ERC1: variants seen among roughly 807,000 people sequenced by gnomAD.
ERC1 encodes RAB6 interacting protein 2.
In ERC1, 56 loss-of-function variants were observed where a neutral mutation model predicts 132.0. That is an observed-to-expected ratio of 0.42 (90% CI 0.34 to 0.53). The LOEUF (loss-of-function observed/expected upper bound fraction) is 0.53, where lower values mean the gene tolerates loss of function less well. ERC1 is among the 20% of genes least tolerant of loss of function. ERC1 has a pLI of 0.03. For synonymous variants in ERC1, 478 were observed against 476.1 expected, an observed-to-expected ratio of 1.00 and a Z score of -0.05; for missense variants, 1,202 against 1,349.9, an observed-to-expected ratio of 0.89 and a Z score of 1.72.
At chr12:1,093,947 ATATATTTTTCTATATATATATAT>A (rs1943601864) in intron 3 of ERC1, among the ~76,000 whole-genome samples, 1 of 103,248 alleles carries the variant, frequency 9.7e-6, no homozygotes, top group Non-Finnish European at 1.9e-5. Context: ...ATATAAATAT[ATATATTTTTCTATATATATATAT>A]ATATATATAT....
At chr12:1,272,263 T>G (rs1372438177) in intron 14 of ERC1, among the ~76,000 whole-genome samples, 1 of 152,224 alleles carries the variant, frequency 6.6e-6, no homozygotes, top group East Asian at 1.9e-4. Flanking sequence ...CTATTGGTAC[T>G]TCTGTTGTCA....
intron 15 of ERC1, among the ~76,000 whole-genome samples, chr12:1,360,055 C>G (rs1317915540): frequency 1.3e-5 from 2 of 152,014 alleles, no homozygotes; most frequent in Non-Finnish European, 2.9e-5. Context: ...AATGAGCAGA[C>G]ATTGTCGTAA....
At chr12:1,131,304 C>G (rs1005195117) in intron 7 of ERC1, among the ~76,000 whole-genome samples, 1 of 152,002 alleles carries the variant, frequency 6.6e-6, no homozygotes, top group East Asian at 1.9e-4. Flanking sequence ...AAGGTGTGAT[C>G]ACAGAGTTAG....
intron 2 of ERC1, among the ~76,000 whole-genome samples, chr12:1,069,946 C>T (rs1045414006): frequency 6.6e-6 from 1 of 152,008 alleles, no homozygotes; most frequent in African/African-American, 2.4e-5. Flanking sequence ...CTACATGTAT[C>T]GATGTGGATA....
chr12:1,192,493 T>G (rs1955835513), intron 12 of ERC1, among the ~76,000 whole-genome samples: 1 of 152,230 alleles, frequency 6.6e-6, no homozygotes, highest in Admixed American at 6.5e-5. Flanking sequence ...TAGTTTATCA[T>G]TTGAGATTCT....
At chr12:1,467,801 T>TA (rs1157115437) in intron 18 of ERC1, among the ~76,000 whole-genome samples, 1 of 152,228 alleles carries the variant, frequency 6.6e-6, no homozygotes, top group Non-Finnish European at 1.5e-5. Context: ...GAGACAGTGA[T>TA]AGATTATCAG....
chr12:1,155,314 CAAAAAAA>C (rs151006544), intron 8 of ERC1, among the ~76,000 whole-genome samples: 8 of 55,092 alleles, frequency 1.5e-4, no homozygotes, highest in South Asian at 8.4e-4. Context: ...GACTTCATCT[CAAAAAAA>C]AAAAAAAAAA....
intron 2 of ERC1, among the ~76,000 whole-genome samples, chr12:1,065,292 C>T (rs924401690): frequency 2.6e-5 from 4 of 152,162 alleles, no homozygotes; most frequent in Non-Finnish European, 4.4e-5. Context: ...TGAGCCACCG[C>T]GCCCAGCCCT....
chr12:1,082,140 GC>G (rs1942290706), intron 2 of ERC1, among the ~76,000 whole-genome samples: 1 of 151,922 alleles, frequency 6.6e-6, no homozygotes, highest in Non-Finnish European at 1.5e-5. Context: ...CAATTCTTCT[GC>G]CTCAGCCTCC....
rs565567638 is a variant in ERC1, at chr12:1,340,037, G to A, written c.2781-31796G>A. 1.1e-4 allele frequency among the ~76,000 whole-genome samples: 17 copies of A among 152,308 alleles called. No homozygotes were observed. The South Asian group carries it at 3.1e-3, about 28-fold the overall frequency. Reference sequence around the variant, plus strand: ...CTGTAGGCCTGGGGGAAGCTGTAATGTGTGGAGAAAGCAGGCAGGCCTGGT... The same window carrying A: ...CTGTAGGCCTGGGGGAAGCTGTAATATGTGGAGAAAGCAGGCAGGCCTGGT... On this transcript the variant is annotated intron_variant, in intron 15 of 18. Transcript: ENST00000360905.
intron 18 of ERC1, among the ~76,000 whole-genome samples, chr12:1,470,395 C>T (rs2093835111): frequency 6.6e-6 from 1 of 151,734 alleles, no homozygotes; most frequent in South Asian, 2.1e-4. Context: ...TCTTACCACC[C>T]TGACAGTTTC....
chr12:1,225,514 A>T (rs2074510805), intron 12 of ERC1, among the ~76,000 whole-genome samples: 1 of 150,788 alleles, frequency 6.6e-6, no homozygotes, highest in African/African-American at 2.4e-5. Flanking sequence ...ATTGGATAGG[A>T]TGAGGGTAAT....
At chr12:1,155,023 A>G (rs975635759) in intron 8 of ERC1, among the ~76,000 whole-genome samples, 5 of 152,214 alleles carry the variant, frequency 3.3e-5, no homozygotes. Context: ...CTAAAAGTAC[A>G]TTTATCATTT....
At chr12:1,084,290 G>T (rs1161717109) in intron 3 of ERC1, among the ~76,000 whole-genome samples, 1 of 152,182 alleles carries the variant, frequency 6.6e-6, no homozygotes, top group African/African-American at 2.4e-5. Flanking sequence ...TTGGACTTCA[G>T]GTAATTTTCA....
At chr12:1,221,977 C>G (rs1227448528) in intron 12 of ERC1, among the ~76,000 whole-genome samples, 2 of 152,154 alleles carry the variant, frequency 1.3e-5, no homozygotes, top group Non-Finnish European at 2.9e-5. Flanking sequence ...CATAGATGGT[C>G]TAGCCTACTG....
intron 8 of ERC1, among the ~76,000 whole-genome samples, chr12:1,151,125 A>G (rs921090828): frequency 4.6e-5 from 7 of 152,238 alleles, no homozygotes; most frequent in Admixed American, 1.3e-4. Flanking sequence ...TAAAAAATCA[A>G]TTCAAATTTG....
chr12:1,146,308 G>GTTTTTTTTTTT (rs1172108036), intron 8 of ERC1, among the ~76,000 whole-genome samples: 26 of 31,790 alleles, frequency 8.2e-4, no homozygotes, highest in East Asian at 1.5e-3. Flanking sequence ...TATTTTACTG[G>GTTTTTTTTTTT]TTTTTTTTTT....
intron 17 of ERC1, among the ~76,000 whole-genome samples, chr12:1,437,139 C>T (rs1479881496): frequency 6.6e-6 from 1 of 152,164 alleles, no homozygotes; most frequent in Non-Finnish European, 1.5e-5. Flanking sequence ...CATTTCTGCT[C>T]CTGGAATTTC....
At chr12:1,037,252 A>G (rs1969265272) in intron 2 of ERC1, among the ~76,000 whole-genome samples, 3 of 152,172 alleles carry the variant, frequency 2.0e-5, no homozygotes, top group Non-Finnish European at 2.9e-5. Context: ...TTTGGATCTC[A>G]TAGTGCAGTG....
Sources: allele counts gnomAD v4.1 joint callset (sites outside exome capture counted in the v4.1 genomes callset), GRCh38; gene constraint gnomAD v4.1.1; transcripts MANE v1.5; gene names NCBI Gene and HGNC (gene_info 2026-07-23, HGNC 2026-07-21).